PCDH15: variants seen among roughly 807,000 people sequenced by gnomAD.
The protein encoded by PCDH15 is protocadherin related 15.
A neutral mutation model predicts 178.5 loss-of-function variants in PCDH15; 129 were observed. The observed-to-expected ratio is 0.72, with a 90% CI of 0.63 to 0.84. The LOEUF (loss-of-function observed/expected upper bound fraction) is 0.84. PCDH15 is among the 40% of genes least tolerant of loss of function. The pLI is 0.00. For missense variants in PCDH15, 2,230 were observed against 2,099.9 expected, an observed-to-expected ratio of 1.06 and a Z score of -1.21; for synonymous variants, 800 against 732.0, an observed-to-expected ratio of 1.09 and a Z score of -1.50.
Position 54,559,436 on chromosome 10 carries a change from A to G in PCDH15, c.92-31559T>C, listed in dbSNP as rs577473660. Among the ~76,000 whole-genome samples, 4 of 152,210 alleles carry G rather than the reference A, an allele frequency of 2.6e-5. No individual in the cohort carries two copies. The East Asian group carries it at 7.7e-4, about 29-fold the overall frequency. On this transcript the variant is annotated intron_variant, in intron 2 of 37. Transcript: ENST00000644397. ...CCACCTATTTACAAGGTATTCCACA[A>G]TAATTCAATGTTGCATCTTCAGCAA...
intron 2 of PCDH15, among the ~76,000 whole-genome samples, chr10:55,597,725 A>G (rs937841715): frequency 1.3e-5 from 2 of 152,154 alleles, no homozygotes; most frequent in African/African-American, 4.8e-5. Context: ...AACTTCCAGG[A>G]CTGCAAATGA....
At chr10:55,103,916 T>C (rs1842623910) in intron 2 of PCDH15, among the ~76,000 whole-genome samples, 1 of 152,142 alleles carries the variant, frequency 6.6e-6, no homozygotes, top group South Asian at 2.1e-4. Flanking sequence ...GGACAAAGAA[T>C]CAATGGGACC....
intron 2 of PCDH15, among the ~76,000 whole-genome samples, chr10:55,094,775 T>G (rs1277261546): frequency 6.6e-6 from 1 of 152,016 alleles, no homozygotes; most frequent in East Asian, 1.9e-4. Flanking sequence ...CTGTGATCAG[T>G]GCTTACAAAT....
intron 27 of PCDH15, among the ~76,000 whole-genome samples, chr10:53,860,978 T>G (rs779885067): frequency 2.6e-5 from 4 of 152,136 alleles, no homozygotes; most frequent in Non-Finnish European, 5.9e-5. Flanking sequence ...TACCTCTAAA[T>G]CATTACTTTA....
At chr10:55,562,519 C>A (rs1842221347) in intron 2 of PCDH15, among the ~76,000 whole-genome samples, 1 of 151,898 alleles carries the variant, frequency 6.6e-6, no homozygotes, top group Non-Finnish European at 1.5e-5. Context: ...ATAAACCCAG[C>A]TTTGTCACTT....
intron 1 of PCDH15, among the ~76,000 whole-genome samples, chr10:54,679,252 CAATATTTTGTTGGTCT>C (rs953351695): frequency 2.0e-5 from 3 of 149,776 alleles, no homozygotes; most frequent in African/African-American, 7.4e-5. Context: ...GTAGATTGTC[CAATATTTTGTTGGTCT>C]AAACTACAAA....
intron 1 of PCDH15, among the ~76,000 whole-genome samples, chr10:55,211,975 T>C (rs1022633072): frequency 6.8e-6 from 1 of 147,192 alleles, no homozygotes; most frequent in Non-Finnish European, 1.5e-5. Context: ...CTGAAAAATT[T>C]GAGCTGCAAA....
intron 2 of PCDH15, among the ~76,000 whole-genome samples, chr10:54,601,294 G>A (rs907303178): frequency 2.6e-5 from 4 of 151,700 alleles, no homozygotes; most frequent in Non-Finnish European, 5.9e-5. Context: ...GACAAAGGTC[G>A]ATTATCTAGC....
intron 2 of PCDH15, among the ~76,000 whole-genome samples, chr10:54,905,655 G>A (rs944549486): frequency 6.6e-5 from 10 of 152,058 alleles, no homozygotes; most frequent in East Asian, 5.8e-4. Flanking sequence ...AAACTAGGTC[G>A]TGAAAGAGAA....
At chr10:55,379,042 G>C (rs562448471) in intron 2 of PCDH15, among the ~76,000 whole-genome samples, 1 of 152,102 alleles carries the variant, frequency 6.6e-6, no homozygotes, top group Admixed American at 6.6e-5. Context: ...TTTGGGAAGA[G>C]AGTCACTTGA....
chr10:54,791,623 C>T (rs1468079347), intron 1 of PCDH15, among the ~76,000 whole-genome samples: 1 of 151,930 alleles, frequency 6.6e-6, no homozygotes, highest in Non-Finnish European at 1.5e-5. Context: ...CCTTTCTAAG[C>T]TCATGCTAAT....
At chr10:54,974,887 AT>A (rs1478525092) in intron 2 of PCDH15, among the ~76,000 whole-genome samples, 1 of 152,138 alleles carries the variant, frequency 6.6e-6, no homozygotes, top group East Asian at 1.9e-4. Context: ...GTAAATCCTA[AT>A]TATTATTTTT....
At chr10:54,997,389 A>C (rs1839675940) in intron 2 of PCDH15, among the ~76,000 whole-genome samples, 1 of 152,220 alleles carries the variant, frequency 6.6e-6, no homozygotes, top group African/African-American at 2.4e-5. Flanking sequence ...CAATTTTCAA[A>C]TTCATGTGAC....
intron 23 of PCDH15, among the ~76,000 whole-genome samples, chr10:53,959,179 GTATA>G (rs562660762): frequency 2.0e-5 from 3 of 147,156 alleles, no homozygotes; most frequent in African/African-American, 7.5e-5. Context: ...TATATAGTGT[GTATA>G]TATATATACA....
chr10:54,034,729 T>C (rs1035725316), intron 18 of PCDH15, among the ~76,000 whole-genome samples: 1 of 151,906 alleles, frequency 6.6e-6, no homozygotes, highest in African/African-American at 2.4e-5. Flanking sequence ...CCTTCAGATA[T>C]ACTTTCCTAG....
At chr10:54,112,735 A>G (rs1484662117) in intron 15 of PCDH15, among the ~76,000 whole-genome samples, 1 of 152,196 alleles carries the variant, frequency 6.6e-6, no homozygotes, top group African/African-American at 2.4e-5. Context: ...ACATTTTTAC[A>G]TATAAGAAAA....
At chr10:54,384,210 AG>A (rs1446073804) in intron 3 of PCDH15, among the ~76,000 whole-genome samples, 1 of 152,076 alleles carries the variant, frequency 6.6e-6, no homozygotes, top group Non-Finnish European at 1.5e-5. Flanking sequence ...TTGATGAAAA[AG>A]CTCAACCTCT....
chr10:54,146,967 A>ATATATATAGTGTATATATATAATG (rs1564530795), intron 14 of PCDH15, among the ~76,000 whole-genome samples: 4 of 140,906 alleles, frequency 2.8e-5, no homozygotes, highest in South Asian at 2.3e-4. Flanking sequence ...TATATAATGT[A>ATATATATAGTGTATATATATAATG]TATATATAGT....
chr10:53,910,791 T>C (rs140754327), intron 25 of PCDH15, among the ~76,000 whole-genome samples: 2,568 of 152,164 alleles, frequency 0.017, 58 homozygotes, highest in African/African-American at 0.055. Flanking sequence ...AATGGCTAAC[T>C]AGAATAAACA....
Sources: gnomAD v4.1 joint callset for allele counts (sites outside exome capture counted in the v4.1 genomes callset) on GRCh38, gnomAD v4.1.1 for gene constraint, MANE v1.5 for transcripts, NCBI Gene and HGNC (gene_info 2026-07-23, HGNC 2026-07-21) for gene names.